TMEM217B: variants seen among roughly 807,000 people sequenced by gnomAD.
The protein encoded by TMEM217B is transmembrane protein 217B.
chr6:37,226,379 G>A, the TMEM217B span, among the ~76,000 whole-genome samples: 1 of 131,844 alleles, frequency 7.6e-6, no homozygotes, highest in African/African-American at 2.8e-5. Context: ...TGCAAGCTCC[G>A]CCTCCCGGGT....
At chr6:37,212,210 C>T in the TMEM217B span, 8 of 325,244 alleles carry the variant, frequency 2.5e-5, no homozygotes, top group Admixed American at 3.1e-4. Context: ...GGCCACATAT[C>T]ATTAACTGCT....
At chr6:37,221,743 G>A in the TMEM217B span, among the ~76,000 whole-genome samples, 1 of 152,322 alleles carries the variant, frequency 6.6e-6, no homozygotes, top group African/African-American at 2.4e-5. Context: ...CTTGTTCTGT[G>A]TCCAAGATGA....
the TMEM217B span, among the ~76,000 whole-genome samples, chr6:37,229,291 A>T: frequency 2.7e-5 from 4 of 148,498 alleles, no homozygotes; most frequent in Admixed American, 2.7e-4. Context: ...GTCGCTCTTC[A>T]ACAGGACTTT....
the TMEM217B span, among the ~76,000 whole-genome samples, chr6:37,233,442 G>T: frequency 6.6e-6 from 1 of 152,316 alleles, no homozygotes; most frequent in East Asian, 1.9e-4. Context: ...AGCAGGGCTG[G>T]CTTTCCCTGC....
At chr6:37,224,625 C>A in the TMEM217B span, among the ~76,000 whole-genome samples, 3 of 136,000 alleles carry the variant, frequency 2.2e-5, no homozygotes, top group East Asian at 2.3e-4. Flanking sequence ...GAAAAAAAAA[C>A]CTTTTATTTT....
the TMEM217B span, among the ~76,000 whole-genome samples, chr6:37,254,576 C>G: frequency 1.3e-5 from 2 of 152,294 alleles, no homozygotes; most frequent in African/African-American, 4.8e-5. Flanking sequence ...GTGGACACAT[C>G]CTACTAGGGG....
the TMEM217B span, among the ~76,000 whole-genome samples, chr6:37,256,441 G>A: frequency 5.3e-5 from 8 of 152,290 alleles, no homozygotes; most frequent in African/African-American, 9.6e-5. Flanking sequence ...AAAAAGAAGC[G>A]CCAGAGAAAG....
At chr6:37,257,905 C>G in the TMEM217B span, 3 of 1,613,216 alleles carry the variant, frequency 1.9e-6, no homozygotes, top group Admixed American at 1.7e-5. Flanking sequence ...AAGGACTTCC[C>G]CCGGCCAGAG....
chr6:37,228,653 G>A, the TMEM217B span, among the ~76,000 whole-genome samples: 1 of 152,060 alleles, frequency 6.6e-6, no homozygotes, highest in African/African-American at 2.4e-5. Flanking sequence ...GCAGTGAGCC[G>A]AGATCGCGCC....
At chr6:37,218,453 A>C in the TMEM217B span, 1 of 1,611,648 alleles carries the variant, frequency 6.2e-7, no homozygotes, top group Non-Finnish European at 8.5e-7. Context: ...CTGGGATTCC[A>C]GGTGTGAGCC....
At chr6:37,256,638 C>A in the TMEM217B span, among the ~76,000 whole-genome samples, 50 of 151,420 alleles carry the variant, frequency 3.3e-4, no homozygotes, top group African/African-American at 1.2e-3. Context: ...AAGAAACCGT[C>A]GTTGGAGGAC....
At chr6:37,213,823 A>G in the TMEM217B span, among the ~76,000 whole-genome samples, 2 of 152,236 alleles carry the variant, frequency 1.3e-5, no homozygotes, top group African/African-American at 4.8e-5. Flanking sequence ...CTGGCTCCCA[A>G]TTCAGAGGAC....
At chr6:37,231,226 ATTTTTTTT>A in the TMEM217B span, among the ~76,000 whole-genome samples, 9 of 87,444 alleles carry the variant, frequency 1.0e-4, no homozygotes, top group African/African-American at 4.1e-4. Flanking sequence ...TGCCTGGCTA[ATTTTTTTT>A]TTTTTTTTTT....
At chr6:37,250,117 C>CT in the TMEM217B span, among the ~76,000 whole-genome samples, 1 of 152,130 alleles carries the variant, frequency 6.6e-6, no homozygotes, top group Non-Finnish European at 1.5e-5. Flanking sequence ...ATATCAAAAT[C>CT]ATACTATTGT....
At chr6:37,255,683 C>CAA in the TMEM217B span, among the ~76,000 whole-genome samples, 1,890 of 102,438 alleles carry the variant, frequency 0.018, 43 homozygotes, top group African/African-American at 0.06. Context: ...GACCTGGTCT[C>CAA]AAAAAAAAAA....
the TMEM217B span, among the ~76,000 whole-genome samples, chr6:37,240,239 G>A: frequency 3.3e-5 from 5 of 152,288 alleles, no homozygotes; most frequent in Admixed American, 6.5e-5. Context: ...CAAGAGTAGC[G>A]TAGGTGGGTG....
At chr6:37,218,910 T>G in the TMEM217B span, 1 of 1,614,174 alleles carries the variant, frequency 6.2e-7, no homozygotes, top group Non-Finnish European at 8.5e-7. Flanking sequence ...TCAGTGCAAC[T>G]GCCATTCCCT....
the TMEM217B span, among the ~76,000 whole-genome samples, chr6:37,247,756 C>G: frequency 6.6e-6 from 1 of 152,178 alleles, no homozygotes; most frequent in African/African-American, 2.4e-5. Context: ...AAACACACAC[C>G]TCAGAATTAT....
the TMEM217B span, among the ~76,000 whole-genome samples, chr6:37,256,346 A>T: frequency 6.6e-6 from 1 of 152,212 alleles, no homozygotes; most frequent in East Asian, 1.9e-4. Flanking sequence ...GGCTGTCCAG[A>T]ATAAAGACAA....
Sources: gnomAD v4.1 joint callset for allele counts (sites outside exome capture counted in the v4.1 genomes callset) on GRCh38, gnomAD v4.1.1 for gene constraint, MANE v1.5 for transcripts, NCBI Gene and HGNC (gene_info 2026-07-23, HGNC 2026-07-21) for gene names.